Variants in ASPA observed in about 807,000 individuals in gnomAD.
The protein encoded by ASPA is ACY-2.
A neutral mutation model predicts 29.6 loss-of-function variants in ASPA; 25 were observed. The ratio of observed to expected loss-of-function variants is 0.85; its 90% CI spans 0.62 to 1.18. The LOEUF (loss-of-function observed/expected upper bound fraction) is 1.18, where lower values mean the gene tolerates loss of function less well. Ranked by LOEUF, ASPA falls within the 50% of genes most tolerant of loss-of-function variation. The pLI is 0.00. For missense variants in ASPA, 333 were observed against 385.7 expected, an observed-to-expected ratio of 0.86 and a Z score of 1.14; for synonymous variants, 131 against 130.3, an observed-to-expected ratio of 1.01 and a Z score of -0.04.
chr17:3,487,571 T>A (rs1186028758), intron 3 of ASPA, among the ~76,000 whole-genome samples: 1 of 152,234 alleles, frequency 6.6e-6, no homozygotes, highest in African/African-American at 2.4e-5. Flanking sequence ...AAACAGGATC[T>A]GTATCTCTTA....
Position 3,494,402 on chromosome 17 carries a change from T to A in ASPA, c.687T>A (p.Val229=). ...AIEVYKIIEK[V]DYPRDENGEI... is the part of the protein sequence containing the mutation. ...AGGTCTATAAAATTATAGAGAAAGT[T>A]GATTACCCCCGGGATGAAAATGGAG... is the stretch of plus-strand genomic sequence containing the variant. Residue 229 remains valine (V), a synonymous_variant, in exon 5 of 6, where the codon GTT becomes GTA. Transcript: ENST00000263080. The A allele has an allele frequency of 6.2e-7, 1 of 1,613,374 alleles. No homozygotes were observed. The highest frequency in any genetic ancestry group is 8.5e-7 in the Non-Finnish European group (1 of 1,179,258).
chr17:3,494,815 A>G (rs1168749505), intron 5 of ASPA, among the ~76,000 whole-genome samples: 1 of 152,194 alleles, frequency 6.6e-6, no homozygotes, highest in Non-Finnish European at 1.5e-5. Context: ...TGAAACTCCT[A>G]CCCACATTCA....
intron 1 of ASPA, 101 bp downstream of exon 1, chr17:3,476,496 T>C: frequency 9.2e-7 from 1 of 1,087,202 alleles, no homozygotes; most frequent in South Asian, 1.3e-5. Context: ...ATAATTCATG[T>C]CCGTACATGC....
chr17:3,494,502 T>C, intron 5 of ASPA, 43 bp downstream of exon 5: 1 of 1,494,822 alleles, frequency 6.7e-7, no homozygotes, highest in Non-Finnish European at 9.3e-7. Flanking sequence ...ATAATAATGC[T>C]GTACCTTTGA....
In ASPA at chr17:3,483,460, C is replaced by A. The variant is rs370678443; in HGVS notation, c.433-39C>A. The A allele has an allele frequency of 4.5e-6, 7 of 1,545,074 alleles. No individual in the cohort carries two copies. In the South Asian group the frequency reaches 7.8e-5, roughly 17 times the overall value. ...GTTGAAGCAAAGAGAACAAAACATA[C>A]GGTTTTTACCTAAGAAAGACGTTTT... On this transcript the variant is annotated intron_variant, in intron 2 of 5. Coordinates refer to ENST00000263080, the MANE Select transcript of ASPA (RefSeq NM_000049.4).
chr17:3,490,487 G>A lies in ASPA; in HGVS notation c.634+1145G>A, dbSNP rs189716288. On this transcript the variant is annotated intron_variant, in intron 4 of 5. Coordinates refer to ENST00000263080, the MANE Select transcript of ASPA (RefSeq NM_000049.4). This position sits in a 1 kb window ranked among gnomAD's most constrained non-coding sequence, Gnocchi z 4.6. ...GGAATGGGCAATTATAATAACAGAG[G>A]GGGTGTGTACTTCGGTGTCTGTGGG... Among the ~76,000 whole-genome samples, 3 of 152,142 alleles carry A rather than the reference G, an allele frequency of 2.0e-5. No individual in the cohort carries two copies. Among genetic ancestry groups the A allele is most frequent in the African/African-American group, 4.8e-5 (2 of 41,428 alleles).
chr17:3,482,872 G>A (rs1257903571), intron 2 of ASPA, among the ~76,000 whole-genome samples: 4 of 150,554 alleles, frequency 2.7e-5, no homozygotes, highest in East Asian at 3.9e-4. Flanking sequence ...CATGTGCCAT[G>A]TTGGTGTGCC....
intron 4 of ASPA, among the ~76,000 whole-genome samples, chr17:3,491,420 T>C (rs1030534399): frequency 3.3e-5 from 5 of 152,098 alleles, no homozygotes; most frequent in Non-Finnish European, 5.9e-5. Flanking sequence ...AAGGAGAGCA[T>C]TGAGAATGTT....
chr17:3,477,755 CT>C (rs1238882580), intron 1 of ASPA, among the ~76,000 whole-genome samples: 5 of 152,038 alleles, frequency 3.3e-5, no homozygotes, highest in Admixed American at 6.6e-5. Flanking sequence ...CGCTGGGCCG[CT>C]TTTTTTCTTT....
rs2073770386 is a variant in ASPA, at chr17:3,488,715, T to C, written c.527-520T>C. ...TATTGTGTTAGGATGGATTGCTAGG[T>C]TAAGGGCAAAATCATTGCTCAAGGG... On this transcript the variant is annotated intron_variant, in intron 3 of 5. Transcript: ENST00000263080. This position sits in a 1 kb window ranked among gnomAD's most constrained non-coding sequence, Gnocchi z 6.1. Among the ~76,000 whole-genome samples, 1 of 152,254 alleles carries C rather than the reference T, an allele frequency of 6.6e-6. No homozygotes were observed. The highest frequency in any genetic ancestry group is 2.1e-4 in the South Asian group (1 of 4,816).
chr17:3,477,975 G>A (rs970445952), intron 1 of ASPA, among the ~76,000 whole-genome samples: 2 of 151,668 alleles, frequency 1.3e-5, no homozygotes, highest in Admixed American at 6.6e-5. Context: ...GAGGTCAGGA[G>A]ATCAAGACCA....
chr17:3,486,364 C>T (rs1050735304), intron 3 of ASPA, among the ~76,000 whole-genome samples: 12 of 152,180 alleles, frequency 7.9e-5, no homozygotes, highest in African/African-American at 1.9e-4. Flanking sequence ...AAAAATAGTC[C>T]GTGTCTTGCT....
At position 3,503,227 on chromosome 17, in the gene ASPA, GAATA is replaced by G. The variant is rs971318275; in HGVS notation, c.*4144_*4147del. ...GGAATGAATGAATGAATGAATGAATGAATAAATATTATATATTTATACATTTTCA... is the reference window on the plus strand; with the variant it reads ...GGAATGAATGAATGAATGAATGAATGAATATTATATATTTATACATTTTCA... On this transcript the variant is annotated 3_prime_UTR_variant, in exon 6 of 6. Transcript: ENST00000263080. The G allele has an allele frequency of 9.5e-4, 145 of 152,198 alleles. 1 individual carries two copies. Among genetic ancestry groups the G allele is most frequent in the African/African-American group, 3.3e-3 (139 of 41,520 alleles). 9.4% of individuals were successfully genotyped at this position (152,198 alleles called of 1,614,324 possible).
At chr17:3,483,925 T>G (rs1323212429) in intron 3 of ASPA, among the ~76,000 whole-genome samples, 1 of 152,184 alleles carries the variant, frequency 6.6e-6, no homozygotes, top group Admixed American at 6.5e-5. Flanking sequence ...CCCAAAGTGC[T>G]GGGATTACAG....
At chr17:3,494,601 C>A in intron 5 of ASPA, 142 bp downstream of exon 5, 1 of 727,246 alleles carries the variant, frequency 1.4e-6, no homozygotes, top group Non-Finnish European at 2.4e-6. Flanking sequence ...GGAAGATGTT[C>A]GGACTGTCGC....
At chr17:3,493,793 C>A (rs2073865136) in intron 4 of ASPA, among the ~76,000 whole-genome samples, 1 of 152,044 alleles carries the variant, frequency 6.6e-6, no homozygotes, top group African/African-American at 2.4e-5. Flanking sequence ...GTCTCCTGAC[C>A]CCTAAACCTA....
chr17:3,476,436 T>A, intron 1 of ASPA, 41 bp downstream of exon 1: 1 of 1,580,148 alleles, frequency 6.3e-7, no homozygotes, highest in Non-Finnish European at 8.7e-7. Flanking sequence ...GTATGTTGTG[T>A]GAAAAGTGGT....
chr17:3,492,421 G>T (rs1033053531), intron 4 of ASPA, among the ~76,000 whole-genome samples: 5 of 152,174 alleles, frequency 3.3e-5, no homozygotes, highest in Non-Finnish European at 5.9e-5. Context: ...ATGAGATCTG[G>T]TAAGTTCCCA....
chr17:3,484,755 G>A (rs2029352), intron 3 of ASPA, among the ~76,000 whole-genome samples: 41,707 of 151,842 alleles, frequency 0.27, 6,189 homozygotes, highest in East Asian at 0.57. Context: ...TACATATCTC[G>A]CCTGGGACCA....
Sources: gnomAD v4.1 joint callset for allele counts (sites outside exome capture counted in the v4.1 genomes callset) on GRCh38, gnomAD v4.1.1 for gene constraint, Gnocchi (gnomAD v3.1) non-coding constraint, MANE v1.5 for transcripts, NCBI Gene and HGNC (gene_info 2026-07-23, HGNC 2026-07-21) for gene names.